Variants in LGR6 observed in about 807,000 individuals in gnomAD.
LGR6 encodes leucine rich repeat containing G protein-coupled receptor 6, also known as leucine-rich repeat-containing G protein-coupled receptor 6.
Under a neutral mutation model 69.4 loss-of-function variants are expected in LGR6, and 45 were observed. The observed-to-expected ratio is 0.65, with a 90% confidence interval of 0.51 to 0.83. LGR6 has a LOEUF of 0.83. LGR6 is among the 40% of genes least tolerant of loss of function. The pLI, the probability that LGR6 is intolerant of heterozygous loss-of-function variation, is 0.00. For missense variants in LGR6, 1,108 were observed against 1,246.7 expected (o/e 0.89, Z 1.68); for synonymous variants, 538 against 555.0 (o/e 0.97, Z 0.43).
intron 1 of LGR6, among the ~76,000 whole-genome samples, chr1:202,221,221 G>A (rs1660132668): frequency 6.6e-6 from 1 of 152,014 alleles, no homozygotes; most frequent in Admixed American, 6.5e-5. Flanking sequence ...TCGGGCCCTG[G>A]GATATGAGCC....
At chr1:202,299,640 T>C (rs1667433604) in intron 7 of LGR6, among the ~76,000 whole-genome samples, 1 of 152,086 alleles carries the variant, frequency 6.6e-6, no homozygotes, top group South Asian at 2.1e-4. Context: ...AAAAACATAA[T>C]GAGCAGATGA....
At chr1:202,248,672 G>A (rs1662965140) in intron 4 of LGR6, among the ~76,000 whole-genome samples, 2 of 152,326 alleles carry the variant, frequency 1.3e-5, no homozygotes, top group South Asian at 4.1e-4. Flanking sequence ...TCACTGAAAG[G>A]TTGCAGTGCC....
At chr1:202,269,543 G>A (rs1055335367) in intron 4 of LGR6, among the ~76,000 whole-genome samples, 78 of 152,340 alleles carry the variant, frequency 5.1e-4, no homozygotes, top group African/African-American at 1.9e-3. Context: ...TGTCATGGAA[G>A]AGACTCTGGA....
intron 5 of LGR6, among the ~76,000 whole-genome samples, chr1:202,276,964 G>A (rs1053096446): frequency 6.6e-6 from 1 of 152,170 alleles, no homozygotes; most frequent in Non-Finnish European, 1.5e-5. Context: ...GCAGAGAAAA[G>A]TCATCACTTA....
At chr1:202,280,890 G>A (rs1346877595) in intron 6 of LGR6, 38 bp downstream of exon 6, 1 of 1,573,924 alleles carries the variant, frequency 6.4e-7, no homozygotes, top group African/African-American at 1.3e-5. Context: ...TGTCCTGCCT[G>A]GTGATGAAAG....
At chr1:202,308,523 G>T (rs927396899) in intron 14 of LGR6, among the ~76,000 whole-genome samples, 1 of 152,164 alleles carries the variant, frequency 6.6e-6, no homozygotes, top group Non-Finnish European at 1.5e-5. Flanking sequence ...CTCGCCTCTG[G>T]CTACAAAGCA....
At chr1:202,204,673 CT>C (rs1659022608) in intron 1 of LGR6, among the ~76,000 whole-genome samples, 1 of 104,556 alleles carries the variant, frequency 9.6e-6, no homozygotes, top group Admixed American at 1.0e-4. Context: ...ACACACACGC[CT>C]CCAAACACAC....
chr1:202,281,383 A>C (rs1397702962), intron 6 of LGR6, among the ~76,000 whole-genome samples: 1 of 152,160 alleles, frequency 6.6e-6, no homozygotes, highest in Non-Finnish European at 1.5e-5. Flanking sequence ...CCTTACTATA[A>C]GAAGCACCCA....
chr1:202,199,894 A>G (rs1413095271), intron 1 of LGR6, among the ~76,000 whole-genome samples: 1 of 152,226 alleles, frequency 6.6e-6, no homozygotes, highest in Admixed American at 6.5e-5. Flanking sequence ...TTTTTATGCT[A>G]TAAGGGCTTA....
chr1:202,270,346 G>A (rs1293527281), intron 4 of LGR6, among the ~76,000 whole-genome samples: 1 of 152,076 alleles, frequency 6.6e-6, no homozygotes, highest in African/African-American at 2.4e-5. Flanking sequence ...GGGTTCAAGT[G>A]ATTCTCCTAC....
intron 4 of LGR6, among the ~76,000 whole-genome samples, chr1:202,248,472 G>A (rs74567358): frequency 6.1e-4 from 93 of 152,298 alleles, no homozygotes; most frequent in Non-Finnish European, 1.1e-3. Context: ...CGCCAAAGTC[G>A]CTTCCCTCCC....
intron 1 of LGR6, among the ~76,000 whole-genome samples, chr1:202,222,456 G>A (rs1048682716): frequency 9.9e-5 from 15 of 152,152 alleles, no homozygotes; most frequent in African/African-American, 1.7e-4. Flanking sequence ...GAGGCTCTGC[G>A]GCCCGGCCCC....
chr1:202,314,930 C>A, intron 17 of LGR6, 48 bp downstream of exon 17: 1 of 1,336,400 alleles, frequency 7.5e-7, no homozygotes, highest in Non-Finnish European at 1.1e-6. Flanking sequence ...GGAGAAAGGG[C>A]ACCCAACCAC....
chr1:202,194,459 G>T, intron 1 of LGR6: 1 of 614,988 alleles, frequency 1.6e-6, no homozygotes. Flanking sequence ...GACTATGGGA[G>T]CCCAGGCTTG....
At chr1:202,225,304 G>A (rs1660432510) in intron 1 of LGR6, 119 bp from the exon 2 acceptor site, 1 of 834,674 alleles carries the variant, frequency 1.2e-6, no homozygotes, top group Non-Finnish European at 2.1e-6. Context: ...AGTCAGAATG[G>A]CCTGGTGGGG....
chr1:202,309,627 A>G (rs1653553228), intron 15 of LGR6, among the ~76,000 whole-genome samples: 1 of 152,252 alleles, frequency 6.6e-6, no homozygotes, highest in African/African-American at 2.4e-5. Context: ...TCCATGCAGC[A>G]GCAGTGGTGC....
At chr1:202,296,858 C>G (rs1323732929) in intron 6 of LGR6, among the ~76,000 whole-genome samples, 1 of 152,086 alleles carries the variant, frequency 6.6e-6, no homozygotes, top group Non-Finnish European at 1.5e-5. Context: ...ATTTAAATTC[C>G]CACTAATAAT....
At chr1:202,252,050 G>A (rs1490564196) in intron 4 of LGR6, among the ~76,000 whole-genome samples, 2 of 152,102 alleles carry the variant, frequency 1.3e-5, no homozygotes, top group Non-Finnish European at 2.9e-5. Flanking sequence ...GCTCCTCCAA[G>A]TCATCAAATG....
intron 5 of LGR6, among the ~76,000 whole-genome samples, chr1:202,279,928 A>G (rs1014841432): frequency 6.6e-6 from 1 of 152,194 alleles, no homozygotes; most frequent in Non-Finnish European, 1.5e-5. Context: ...ACTTAAGAAC[A>G]TTCATCTTTG....
Sources: gnomAD v4.1 joint callset for allele counts (sites outside exome capture counted in the v4.1 genomes callset) on GRCh38, gnomAD v4.1.1 for gene constraint, MANE v1.5 for transcripts, NCBI Gene and HGNC (gene_info 2026-07-23, HGNC 2026-07-21) for gene names.